DST: variants seen among roughly 807,000 people sequenced by gnomAD.
DST encodes the protein bullous pemphigoid antigen.
DST carries 253 observed loss-of-function variants against 875.2 expected under a neutral mutation model. That is an observed-to-expected ratio of 0.29 (90% confidence interval 0.26 to 0.32). The LOEUF is 0.32. DST is among the 10% of genes least tolerant of loss of function. The pLI, the probability that DST is intolerant of heterozygous loss-of-function variation, is 1.00. For missense variants in DST, 8,287 were observed against 9,111.6 expected (o/e 0.91, Z 3.68); for synonymous variants, 3,124 against 3,197.1 (o/e 0.98, Z 0.77).
intron 15 of DST, chr6:56,642,831 A>G: frequency 6.2e-7 from 1 of 1,612,200 alleles, no homozygotes. Flanking sequence ...CTTTCAAAGT[A>G]GACTAAAAGG....
chr6:56,950,811 T>C (rs1821918054), intron 2 of DST, among the ~76,000 whole-genome samples: 1 of 152,236 alleles, frequency 6.6e-6, no homozygotes, highest in African/African-American at 2.4e-5. Context: ...TTTAGAAGAC[T>C]ACTAAAAAGC....
At chr6:56,601,726 A>C (rs2098447975) in intron 43 of DST, 50 bp from the exon 44 acceptor site, 2 of 1,021,942 alleles carry the variant, frequency 2.0e-6, no homozygotes, top group Non-Finnish European at 1.4e-6. Context: ...GCCATGATAA[A>C]ATTTATATTA....
chr6:56,601,946 A>G (rs1305279431), intron 43 of DST: 7 of 446,020 alleles, frequency 1.6e-5, no homozygotes, highest in South Asian at 1.4e-4. Flanking sequence ...CACTTAAAAT[A>G]TAACTCTGAC....
At chr6:56,885,745 A>G (rs971063306) in intron 3 of DST, among the ~76,000 whole-genome samples, 3 of 152,230 alleles carry the variant, frequency 2.0e-5, no homozygotes, top group East Asian at 3.8e-4. Flanking sequence ...ACCTCACCCA[A>G]TACCAAACCT....
At chr6:56,556,471 TTATC>T (rs2097420591) in intron 59 of DST, among the ~76,000 whole-genome samples, 1 of 152,288 alleles carries the variant, frequency 6.6e-6, no homozygotes, top group Non-Finnish European at 1.5e-5. Flanking sequence ...TATATTTTAT[TTATC>T]TATCTATCTC....
chr6:56,566,227 A>C (rs2097674385), intron 55 of DST, among the ~76,000 whole-genome samples: 1 of 152,120 alleles, frequency 6.6e-6, no homozygotes, highest in East Asian at 1.9e-4. Context: ...CTGGTGTTCC[A>C]GGTGCCACTG....
intron 3 of DST, among the ~76,000 whole-genome samples, chr6:56,878,987 G>A (rs1274533627): frequency 6.6e-6 from 1 of 152,162 alleles, no homozygotes; most frequent in Non-Finnish European, 1.5e-5. Context: ...TGTGGCACCT[G>A]CCTTGAGTTT....
intron 69 of DST, among the ~76,000 whole-genome samples, chr6:56,523,156 G>A (rs1328490529): frequency 6.6e-6 from 1 of 151,962 alleles, no homozygotes; most frequent in Non-Finnish European, 1.5e-5. Context: ...ACCCTTTTTA[G>A]AATATCAATG....
Position 56,536,948 on chromosome 6 carries a change from TAA to T in DST, c.16609-10_16609-9del. 1 of 1,612,460 alleles carries T rather than the reference TAA, an allele frequency of 6.2e-7. No individual in the cohort carries two copies. Among genetic ancestry groups the T allele is most frequent in the Non-Finnish European group, 8.5e-7 (1 of 1,178,850 alleles). On this transcript the variant is annotated splice_polypyrimidine_tract_variant and intron_variant, in intron 61 of 103. Transcript: ENST00000680361. ...CTCTTCTTTCTGGAATACCTGCAGT[TAA>T]AAGAGTAATAATTATATGAGTTATA... is the stretch of plus-strand genomic sequence containing the variant.
chr6:56,618,563 T>G lies in DST; in HGVS notation c.4930-4079A>C, dbSNP rs142961618. On this transcript the variant is annotated intron_variant, in intron 36 of 103. Coordinates refer to ENST00000680361, the MANE Select transcript of DST (RefSeq NM_001374736.1). ...CTCAAGTTTCTGACATTTTTGGTAA[T>G]GATTTGCTTCCATGTGCTGCCCTTG... 7.4e-6 allele frequency: 12 copies of G among 1,614,228 alleles called. No individual in the cohort carries two copies. In the African/African-American group the frequency reaches 1.3e-4, roughly 18 times the overall value.
At chr6:56,951,153 C>A (rs1401008078) in intron 2 of DST, among the ~76,000 whole-genome samples, 3 of 152,190 alleles carry the variant, frequency 2.0e-5, no homozygotes, top group Admixed American at 1.3e-4. Context: ...AGAAGCAATA[C>A]ATTCTGCCAA....
At chr6:56,469,672 T>C (rs914631068) in intron 97 of DST, among the ~76,000 whole-genome samples, 7 of 152,172 alleles carry the variant, frequency 4.6e-5, no homozygotes, top group African/African-American at 1.7e-4. Context: ...GTGCATGATG[T>C]AGATGTCAAA....
At chr6:56,815,013 G>C (rs2099764971) in intron 4 of DST, among the ~76,000 whole-genome samples, 1 of 152,204 alleles carries the variant, frequency 6.6e-6, no homozygotes, top group Non-Finnish European at 1.5e-5. Flanking sequence ...GCCGAGGTTA[G>C]AATCACCGCT....
intron 9 of DST, among the ~76,000 whole-genome samples, chr6:56,672,577 A>G (rs1213688534): frequency 6.6e-6 from 1 of 152,186 alleles, no homozygotes; most frequent in Non-Finnish European, 1.5e-5. Context: ...AAATTATGCT[A>G]CAGTACCTTT....
chr6:56,568,362 T>G, intron 55 of DST, 107 bp downstream of exon 55: 1 of 1,228,192 alleles, frequency 8.1e-7, no homozygotes, highest in Non-Finnish European at 1.1e-6. Context: ...TTTCACTTTG[T>G]ATTTCTGAGG....
chr6:56,530,779 T>C lies in DST; in HGVS notation c.17109-646A>G, dbSNP rs2096883866. Among the ~76,000 whole-genome samples the C allele has an allele frequency of 3.3e-5, 5 of 152,200 alleles. No individual in the cohort carries two copies. The South Asian group carries it at 1.0e-3, about 32-fold the overall frequency. On this transcript the variant is annotated intron_variant, in intron 64 of 103. Transcript: ENST00000680361. ...TATCTTTGGAAATACGTTTCCTCAG[T>C]TGCAGAGGACTAAAGCTAAAACCTG...
At chr6:56,895,927 G>C (rs1414762954) in intron 3 of DST, among the ~76,000 whole-genome samples, 1 of 45,404 alleles carries the variant, frequency 2.2e-5, no homozygotes, top group Non-Finnish European at 3.9e-5. Flanking sequence ...TGAGGCAGGA[G>C]AATCAGGCAG....
At position 56,634,948 on chromosome 6, in the gene DST, C is replaced by T. The variant is rs746292165; in HGVS notation, c.3192G>A (p.Glu1064=). ...LEDLVQESME[E]KEELLQYKST... is the part of the protein sequence containing the mutation. ...TTTTGTACTGCAGAAGTTCTTCTTTCTCTTCCTAAGTAATAAATACAGTGA... is the reference window on the plus strand; with the variant it reads ...TTTTGTACTGCAGAAGTTCTTCTTTTTCTTCCTAAGTAATAAATACAGTGA... The change falls in exon 25 of 104, where the codon GAG becomes GAA. Residue 1064 remains glutamate (E), a synonymous_variant. Transcript: ENST00000680361. 7.4e-6 allele frequency: 12 copies of T among 1,611,210 alleles called. No homozygotes were observed. The highest frequency in any genetic ancestry group is 3.3e-4 in the Middle Eastern group (2 of 6,080).
intron 78 of DST, 61 bp downstream of exon 78, chr6:56,503,936 T>C: frequency 8.9e-7 from 1 of 1,128,108 alleles, no homozygotes; most frequent in Middle Eastern, 2.0e-4. Flanking sequence ...TGTACAAAAT[T>C]ATGTGAATCA....
Sources: allele counts gnomAD v4.1 joint callset (sites outside exome capture counted in the v4.1 genomes callset), GRCh38; gene constraint gnomAD v4.1.1; transcripts MANE v1.5; gene names NCBI Gene and HGNC (gene_info 2026-07-23, HGNC 2026-07-21).